Variants in FBXO45 observed in about 807,000 individuals in gnomAD.
FBXO45 encodes the protein F-box protein 45, also known as F-box/SPRY domain-containing protein 1.
In FBXO45, 3 loss-of-function variants were observed where a neutral mutation model predicts 25.5. The observed-to-expected ratio is 0.12, with a 90% CI of 0.05 to 0.30. The LOEUF (loss-of-function observed/expected upper bound fraction) is 0.30, where lower values mean the gene tolerates loss of function less well. FBXO45 is among the 10% of genes least tolerant of loss of function. FBXO45 has a pLI of 1.00. For synonymous variants in FBXO45, 155 were observed against 149.8 expected, an observed-to-expected ratio of 1.03 and a Z score of -0.25; for missense variants, 219 against 365.0, an observed-to-expected ratio of 0.60 and a Z score of 3.26.
chr3:196,572,155 G>C (rs1409375428), intron 1 of FBXO45, among the ~76,000 whole-genome samples: 1 of 152,154 alleles, frequency 6.6e-6, no homozygotes, highest in Non-Finnish European at 1.5e-5. Flanking sequence ...AGCAGAAGCA[G>C]GACAAGAGGA....
At chr3:196,574,729 G>C (rs1057325378) in intron 1 of FBXO45, among the ~76,000 whole-genome samples, 1 of 152,192 alleles carries the variant, frequency 6.6e-6, no homozygotes, top group Non-Finnish European at 1.5e-5. Flanking sequence ...TTGTTACGTG[G>C]CACAGAAAGT....
At position 196,568,939 on chromosome 3, in the gene FBXO45, G is replaced by A; in HGVS notation, c.-46G>A. 2 of 987,634 alleles carry A rather than the reference G, an allele frequency of 2.0e-6. No homozygotes were observed. The highest frequency in any genetic ancestry group is 2.4e-6 in the Non-Finnish European group (2 of 830,244). 61.2% of individuals were successfully genotyped at this position (987,634 alleles called of 1,614,324 possible). On this transcript the variant is annotated 5_prime_UTR_variant, in exon 1 of 3. Coordinates refer to ENST00000311630, the MANE Select transcript of FBXO45 (RefSeq NM_001105573.2). ...CTTGGCCTTCCGAGCAGAGACGGCG[G>A]GAAGCGGCGGCGGCAGCGGCGGCCC...
At position 196,586,573 on chromosome 3, in the gene FBXO45, C is replaced by G. The variant is rs1206941503; in HGVS notation, c.*2255C>G. 6.6e-6 allele frequency: 1 copy of G among 152,196 alleles called. No individual in the cohort carries two copies. The highest frequency in any genetic ancestry group is 1.5e-5 in the Non-Finnish European group (1 of 68,042). 9.4% of individuals were successfully genotyped at this position (152,196 alleles called of 1,614,324 possible). On this transcript the variant is annotated 3_prime_UTR_variant, in exon 3 of 3. Transcript: ENST00000311630. The stretch of plus-strand genomic sequence containing the variant: ...AAACCCAGTAGTAGCTCTACAAAAT[C>G]TTAAACTGCTGCAGTGCTCAAGGAG...
rs1447403667 is a variant in FBXO45, at chr3:196,589,020, T to C, written c.*4702T>C. On this transcript the variant is annotated 3_prime_UTR_variant, in exon 3 of 3. Coordinates refer to ENST00000311630, the MANE Select transcript of FBXO45 (RefSeq NM_001105573.2). ...TGTATCTTTATTTTTTGGAATTCTG[T>C]TGTTTTGCCTTAGTTTCTTAATAAA... 1 of 152,268 alleles carries C rather than the reference T, an allele frequency of 6.6e-6. No homozygotes were observed. The highest frequency in any genetic ancestry group is 1.5e-5 in the Non-Finnish European group (1 of 68,046). 9.4% of individuals were successfully genotyped at this position (152,268 alleles called of 1,614,324 possible). A position where few individuals can be genotyped will look rare whatever the true frequency, so the allele number is the denominator to read the frequency against.
Position 196,569,285 on chromosome 3 carries a change from C to T in FBXO45, c.301C>T (p.Pro101Ser). The change falls in exon 1 of 3, where the codon CCC (proline) becomes TCC (serine). Residue 101 changes from proline to serine, a missense_variant. By Grantham distance (74) the Pro-to-Ser change is moderately conservative. This residue lies in a region of FBXO45 where 138 missense variants were observed against 157.3 expected (regional missense o/e 0.88). Transcript: ENST00000311630. The surrounding 1 kb of genome is among the most constrained non-coding windows in gnomAD (Gnocchi z 4.1). ...ALRTDILCNLPSYKAKIRAFQ... is the reference protein window; with the variant it reads ...ALRTDILCNLSSYKAKIRAFQ... ...GCGCACGGACATCCTGTGCAACCTG[C>T]CCAGCTACAAGGCCAAGGTGAGAGA... 4 of 1,570,788 alleles carry T rather than the reference C, an allele frequency of 2.5e-6. No homozygotes were observed.
chr3:196,571,868 T>A (rs1168694775), intron 1 of FBXO45, among the ~76,000 whole-genome samples: 2 of 152,232 alleles, frequency 1.3e-5, no homozygotes, highest in Admixed American at 6.5e-5. Context: ...CCTTGAATAT[T>A]TTGAGGATAA....
chr3:196,570,563 A>G (rs1735800527), intron 1 of FBXO45, among the ~76,000 whole-genome samples: 1 of 152,026 alleles, frequency 6.6e-6, no homozygotes, highest in African/African-American at 2.4e-5. Context: ...TAGCTTGCCA[A>G]CAGGGGTCGG....
intron 1 of FBXO45, among the ~76,000 whole-genome samples, chr3:196,577,089 C>T (rs941704924): frequency 2.0e-5 from 3 of 152,210 alleles, no homozygotes; most frequent in African/African-American, 7.2e-5. Context: ...CTCTCCCACT[C>T]CATCTCTGGA....
At chr3:196,581,457 T>C (rs553294053) in intron 2 of FBXO45, among the ~76,000 whole-genome samples, 5,148 of 151,778 alleles carry the variant, frequency 0.034, 137 homozygotes, top group Non-Finnish European at 0.049. Flanking sequence ...TCTCGATCTC[T>C]TGACCTCGTG....
chr3:196,569,261 C>A lies in FBXO45; in HGVS notation c.277C>A (p.Arg93Ser), dbSNP rs781384127. The change falls in exon 1 of 3, where the codon CGC becomes AGC. Residue 93 changes from arginine to serine, a missense_variant. By Grantham distance (110) the Arg-to-Ser change is moderately radical. Transcript: ENST00000311630. This position sits in a 1 kb window ranked among gnomAD's most constrained non-coding sequence, Gnocchi z 4.1. ...CARSLAEEALRTDILCNLPSY... is the reference protein window; with the variant it reads ...CARSLAEEALSTDILCNLPSY... ...CCGCAGCCTGGCAGAAGAGGCTCTG[C>A]GCACGGACATCCTGTGCAACCTGCC... 1.3e-6 allele frequency: 2 copies of A among 1,584,768 alleles called. No homozygotes were observed.
At position 196,568,889 on chromosome 3, in the gene FBXO45, G is replaced by C; in HGVS notation, c.-96G>C. ...GTTGGCACTGACAGGGGCGGTGAGCGAGCCGCTCCGGTCTCCGGGCGAGGC... is the reference window on the plus strand; with the variant it reads ...GTTGGCACTGACAGGGGCGGTGAGCCAGCCGCTCCGGTCTCCGGGCGAGGC... On this transcript the variant is annotated 5_prime_UTR_variant, in exon 1 of 3. Transcript: ENST00000311630. The C allele has an allele frequency of 1.1e-6, 1 of 917,582 alleles. No individual in the cohort carries two copies. Among genetic ancestry groups the C allele is most frequent in the South Asian group, 4.9e-5 (1 of 20,518 alleles). 56.8% of individuals were successfully genotyped at this position (917,582 alleles called of 1,614,324 possible). A position where few individuals can be genotyped will look rare whatever the true frequency, so the allele number is the denominator to read the frequency against.
intron 2 of FBXO45, among the ~76,000 whole-genome samples, chr3:196,578,740 TTGATTGTGACCCAATGCAAA>T (rs961672910): frequency 6.6e-6 from 1 of 152,216 alleles, no homozygotes; most frequent in African/African-American, 2.4e-5. Flanking sequence ...CAAGATGGCT[TTGATTGTGACCCAATGCAAA>T]TTCATAAACT....
intron 1 of FBXO45, among the ~76,000 whole-genome samples, chr3:196,577,037 G>T (rs1735925367): frequency 6.6e-6 from 1 of 152,162 alleles, no homozygotes; most frequent in African/African-American, 2.4e-5. Flanking sequence ...CTTTGCCAAT[G>T]ATTAATTTAT....
intron 2 of FBXO45, among the ~76,000 whole-genome samples, chr3:196,578,787 A>G (rs1189092595): frequency 6.6e-6 from 1 of 152,006 alleles, no homozygotes; most frequent in African/African-American, 2.4e-5. Flanking sequence ...AAACATTATG[A>G]GATTTTTTTG....
At chr3:196,575,511 A>G (rs1474542941) in intron 1 of FBXO45, among the ~76,000 whole-genome samples, 3 of 151,748 alleles carry the variant, frequency 2.0e-5, no homozygotes, top group African/African-American at 4.8e-5. Context: ...AATAGTGTCA[A>G]TGTGAAATTG....
chr3:196,573,082 C>G (rs2108726225), intron 1 of FBXO45, among the ~76,000 whole-genome samples: 1 of 152,216 alleles, frequency 6.6e-6, no homozygotes, highest in Non-Finnish European at 1.5e-5. Flanking sequence ...CCACCATGCC[C>G]AGCTAATTTT....
rs1264282535 is a variant in FBXO45 at position 196,569,191 on chromosome 3, C to T, written c.207C>T (p.Cys69=). 3.8e-6 allele frequency: 6 copies of T among 1,566,418 alleles called. No individual in the cohort carries two copies. Among genetic ancestry groups the T allele is most frequent in the Non-Finnish European group, 5.2e-6 (6 of 1,156,304 alleles). The change falls in exon 1 of 3, where the codon TGC becomes TGT. Residue 69 remains cysteine, a synonymous_variant. Transcript: ENST00000311630. The surrounding 1 kb of genome is among the most constrained non-coding windows in gnomAD (Gnocchi z 4.1). ...TGGTGTGCAAGCACTGGTACCGCTG[C>T]CTGCACGGCGATGAGAACAGCGAGG... The part of the protein sequence containing the change: ...CALVCKHWYR[C]LHGDENSEVW...
In FBXO45 at chr3:196,585,566, T is replaced by C. The variant is rs1736091038; in HGVS notation, c.*1248T>C. 1 of 152,242 alleles carries C rather than the reference T, an allele frequency of 6.6e-6. No individual in the cohort carries two copies. The highest frequency in any genetic ancestry group is 6.5e-5 in the Admixed American group (1 of 15,280). The allele number at this position is 152,242 out of a possible 1,614,324, so 9.4% of individuals were successfully genotyped here. On this transcript the variant is annotated 3_prime_UTR_variant, in exon 3 of 3. Transcript: ENST00000311630. ...GGACTTGAAATACAACACCTTGTGC[T>C]GAAAACTTCAGGTTGGCAATATTTG...
chr3:196,576,471 C>CA (rs1268017083), intron 1 of FBXO45, among the ~76,000 whole-genome samples: 2 of 152,154 alleles, frequency 1.3e-5, no homozygotes, highest in Admixed American at 1.3e-4. Flanking sequence ...TCACTTGAGC[C>CA]AAGGAGTTCA....
Sources: gnomAD v4.1 joint callset for allele counts (sites outside exome capture counted in the v4.1 genomes callset) on GRCh38, gnomAD v4.1.1 for gene constraint, gnomAD v4.1.1 regional missense constraint, Gnocchi (gnomAD v3.1) non-coding constraint, MANE v1.5 for transcripts, NCBI Gene and HGNC (gene_info 2026-07-23, HGNC 2026-07-21) for gene names.